ADAP2: variants seen among roughly 807,000 people sequenced by gnomAD.
ADAP2 encodes the protein ArfGAP with dual PH domains 2.
A neutral mutation model predicts 54.9 loss-of-function variants in ADAP2; 42 were observed. That is an observed-to-expected ratio of 0.77 (90% confidence interval 0.60 to 0.99). The LOEUF (loss-of-function observed/expected upper bound fraction) is 0.99, where lower values mean the gene tolerates loss of function less well. Among genes scored for constraint, ADAP2 ranks in the 50% least tolerant of loss-of-function variants. The pLI, the probability that ADAP2 is intolerant of heterozygous loss-of-function variation, is 0.00. For missense variants in ADAP2, 429 were observed against 480.4 expected, an observed-to-expected ratio of 0.89 and a Z score of 1.00; for synonymous variants, 177 against 180.1, an observed-to-expected ratio of 0.98 and a Z score of 0.14.
At chr17:30,936,646 G>T (rs1911905948) in intron 5 of ADAP2, among the ~76,000 whole-genome samples, 2 of 152,140 alleles carry the variant, frequency 1.3e-5, no homozygotes, top group African/African-American at 4.8e-5. Flanking sequence ...GCCGGGCGCG[G>T]TGGCTCACGC....
intron 5 of ADAP2, among the ~76,000 whole-genome samples, chr17:30,936,035 C>T (rs966965020): frequency 3.9e-5 from 6 of 152,148 alleles, no homozygotes; most frequent in South Asian, 2.1e-4. Flanking sequence ...CTTTAAACAC[C>T]TTATCCCTTA....
intron 6 of ADAP2, among the ~76,000 whole-genome samples, chr17:30,946,015 C>T (rs1416288588): frequency 1.3e-5 from 2 of 151,148 alleles, no homozygotes; most frequent in Non-Finnish European, 3.0e-5. Flanking sequence ...ATTGGCCGGG[C>T]ATGGTGGCAG....
At chr17:30,936,160 A>C (rs1401625740) in intron 5 of ADAP2, among the ~76,000 whole-genome samples, 2 of 151,338 alleles carry the variant, frequency 1.3e-5, no homozygotes, top group African/African-American at 4.9e-5. Context: ...ATTTTATCTT[A>C]TTTATTTTTT....
At chr17:30,951,274 G>A (rs1157462137) in intron 7 of ADAP2, among the ~76,000 whole-genome samples, 1 of 152,134 alleles carries the variant, frequency 6.6e-6, no homozygotes, top group Non-Finnish European at 1.5e-5. Context: ...ACTCCAGCGA[G>A]CCAAGGCATC....
Position 30,934,292 on chromosome 17 carries a change from G to C in ADAP2, c.505G>C (p.Glu169Gln), listed in dbSNP as rs1911714324. The change falls in exon 5 of 11, where the codon GAA (glutamate) becomes CAA (glutamine). Residue 169 changes from glutamate to glutamine, a missense_variant. Physicochemically the swap from Glu to Gln is conservative, Grantham distance 29. Coordinates refer to ENST00000330889, the MANE Select transcript of ADAP2 (RefSeq NM_018404.3). ...AGGCCTCCTGAAGTACTTCACAAAG[G>C]AACAGGTAAGATGCCAGACCAATGA... The part of the protein sequence containing the change: ...REGLLKYFTK[E>Q]QGKSPKAVIS... The C allele has an allele frequency of 6.2e-7, 1 of 1,610,612 alleles. No homozygotes were observed. The highest frequency in any genetic ancestry group is 1.3e-5 in the African/African-American group (1 of 74,864).
chr17:30,922,239 C>T (rs1286496417), intron 1 of ADAP2, 131 bp downstream of exon 1: 1 of 538,004 alleles, frequency 1.9e-6, no homozygotes. Context: ...CGGGCCCCGA[C>T]CCCTCCCACC....
At chr17:30,956,677 G>A (rs1481091288) in intron 10 of ADAP2, 13 of 595,196 alleles carry the variant, frequency 2.2e-5, no homozygotes, top group East Asian at 8.8e-5. Context: ...TCCCCTAACC[G>A]AGCCCTTCCC....
chr17:30,956,282 G>A lies in ADAP2; in HGVS notation c.924G>A (p.Glu308=). ...GCCAGGTTTTTCTTGGGAACAAGGA[G>A]CAGGGATATGAAGCCTACGAAGACC... is the stretch of plus-strand genomic sequence containing the variant. ...EQGQVFLGNK[E]QGYEAYEDLP... is the part of the protein sequence containing the mutation. Residue 308 remains glutamate (E), a synonymous_variant, in exon 10 of 11, where the codon GAG becomes GAA. Coordinates refer to ENST00000330889, the MANE Select transcript of ADAP2 (RefSeq NM_018404.3). 1 of 1,614,202 alleles carries A rather than the reference G, an allele frequency of 6.2e-7. No individual in the cohort carries two copies. The highest frequency in any genetic ancestry group is 8.5e-7 in the Non-Finnish European group (1 of 1,180,032).
rs1598052187 is a variant in ADAP2 at position 30,949,429 on chromosome 17, T to C, written c.741+59T>C. The C allele has an allele frequency of 5.3e-6, 8 of 1,509,042 alleles. No individual in the cohort carries two copies. In the East Asian group the frequency reaches 1.8e-4, roughly 34 times the overall value. 93.5% of individuals were successfully genotyped at this position (1,509,042 alleles called of 1,614,324 possible). The stretch of plus-strand genomic sequence containing the variant: ...CCTCTTGGCCATCTCCTTCTTTCCC[T>C]GTCTGTTGACCTCGAAGACACTCAG... On this transcript the variant is annotated intron_variant, in intron 7 of 10. Transcript: ENST00000330889.
chr17:30,927,144 TCA>T (rs2142509321), intron 3 of ADAP2, among the ~76,000 whole-genome samples: 1 of 152,260 alleles, frequency 6.6e-6, no homozygotes, highest in East Asian at 1.9e-4. Context: ...TCTCTGGGCC[TCA>T]GTTTCCACAG....
chr17:30,945,193 C>T lies in ADAP2; in HGVS notation c.657+140C>T, dbSNP rs1912576785. On this transcript the variant is annotated intron_variant, in intron 6 of 10. Coordinates refer to ENST00000330889, the MANE Select transcript of ADAP2 (RefSeq NM_018404.3). ...TCTGCTACCATTTGCCTTAATCTAT[C>T]ATTGCCTCCCAGTCTGAGATAAAGA... is the stretch of plus-strand genomic sequence containing the variant. The T allele has an allele frequency of 2.3e-5, 23 of 986,876 alleles. No homozygotes were observed. The South Asian group carries it at 3.9e-4, about 17-fold the overall frequency. 61.1% of individuals were successfully genotyped at this position (986,876 alleles called of 1,614,324 possible).
Position 30,957,918 on chromosome 17 carries a change from G to C in ADAP2, c.*49G>C. On this transcript the variant is annotated 3_prime_UTR_variant, in exon 11 of 11. Transcript: ENST00000330889. Reference sequence around the variant, plus strand: ...CCACTGAACACCTGGAACTCCTTGTGGGAAGAAGTTTGCACCTCGGCCCTG... The same window carrying C: ...CCACTGAACACCTGGAACTCCTTGTCGGAAGAAGTTTGCACCTCGGCCCTG... The C allele has an allele frequency of 6.3e-7, 1 of 1,594,948 alleles. No homozygotes were observed. The highest frequency in any genetic ancestry group is 8.6e-7 in the Non-Finnish European group (1 of 1,167,188).
At chr17:30,955,357 C>T (rs575838891) in intron 9 of ADAP2, among the ~76,000 whole-genome samples, 4 of 151,884 alleles carry the variant, frequency 2.6e-5, no homozygotes, top group African/African-American at 7.2e-5. Flanking sequence ...ACAGGAGGAT[C>T]GCTTGAGCCC....
intron 2 of ADAP2, 132 bp downstream of exon 2, chr17:30,923,202 C>T (rs1910772027): frequency 9.8e-7 from 1 of 1,022,210 alleles, no homozygotes; most frequent in Middle Eastern, 2.0e-4. Context: ...GGAAACACAG[C>T]TTATAAGATG....
At chr17:30,934,347 C>A in intron 5 of ADAP2, 50 bp downstream of exon 5, 7 of 1,247,842 alleles carry the variant, frequency 5.6e-6, no homozygotes, top group East Asian at 2.4e-5. Context: ...CACTCTCACC[C>A]GACTAAGGTC....
At chr17:30,956,852 C>A (rs1228530743) in intron 10 of ADAP2, 1 of 204,508 alleles carries the variant, frequency 4.9e-6, no homozygotes, top group Non-Finnish European at 1.0e-5. Context: ...AGGTCACACC[C>A]GCTGGGCAGC....
chr17:30,953,020 G>C (rs992551524), intron 7 of ADAP2, among the ~76,000 whole-genome samples: 2 of 152,120 alleles, frequency 1.3e-5, no homozygotes, highest in African/African-American at 4.8e-5. Context: ...GCAGAGCCTT[G>C]CCTATGTCCA....
In ADAP2 at chr17:30,956,412, T is replaced by A; in HGVS notation, c.1054T>A (p.Trp352Arg). ...CCCCAGTGAGAAGGAACAGCAGGAA[T>A]GGCTGGAAAGTTTGCGGGGTGTCCT... ...TCPSEKEQQE[W>R]LESLRGVLSS... The change falls in exon 10 of 11, where the codon TGG (tryptophan) becomes AGG (arginine). Residue 352 changes from tryptophan to arginine, a missense_variant. Trp to Arg is a moderately radical substitution (Grantham distance 101). Coordinates refer to ENST00000330889, the MANE Select transcript of ADAP2 (RefSeq NM_018404.3). 1 of 1,614,188 alleles carries A rather than the reference T, an allele frequency of 6.2e-7. No homozygotes were observed.
intron 2 of ADAP2, among the ~76,000 whole-genome samples, chr17:30,923,534 G>T (rs1249892778): frequency 6.6e-6 from 1 of 151,548 alleles, no homozygotes; most frequent in Non-Finnish European, 1.5e-5. Flanking sequence ...AAAGTGCTGG[G>T]ATTACAGGCC....
Sources: gnomAD v4.1 joint callset for allele counts (sites outside exome capture counted in the v4.1 genomes callset) on GRCh38, gnomAD v4.1.1 for gene constraint, MANE v1.5 for transcripts, NCBI Gene and HGNC (gene_info 2026-07-23, HGNC 2026-07-21) for gene names.